The following UGGT1 variants were observed in gnomAD, a reference collection of about 807,000 sequenced individuals.
The protein encoded by UGGT1 is UDP-glucose glycoprotein glucosyltransferase 1, also known as UDP-glucose:glycoprotein glucosyltransferase 1.
Under a neutral mutation model 203.9 loss-of-function variants are expected in UGGT1, and 107 were observed. That is an observed-to-expected ratio of 0.52 (90% CI 0.45 to 0.62). The LOEUF is 0.62. UGGT1 is among the 20% of genes least tolerant of loss of function. The pLI is 0.00. For missense variants in UGGT1, 1,673 were observed against 1,867.2 expected (o/e 0.90, Z 1.92); for synonymous variants, 628 against 653.5 (o/e 0.96, Z 0.59).
At chr2:128,094,241 ACT>A (rs1687002245) in intron 1 of UGGT1, among the ~76,000 whole-genome samples, 1 of 151,902 alleles carries the variant, frequency 6.6e-6, no homozygotes, top group South Asian at 2.1e-4. Flanking sequence ...AAACTCATTG[ACT>A]CAGGCCAGAT....
At chr2:128,095,029 G>C (rs1194240572) in intron 1 of UGGT1, among the ~76,000 whole-genome samples, 1 of 152,020 alleles carries the variant, frequency 6.6e-6, no homozygotes, top group Non-Finnish European at 1.5e-5. Flanking sequence ...GATTACAGGC[G>C]TGAGCCACTG....
Position 128,187,434 on chromosome 2 carries a change from C to G in UGGT1, c.4477-15C>G. On this transcript the variant is annotated splice_polypyrimidine_tract_variant and intron_variant, in intron 39 of 40. Coordinates refer to ENST00000259253, the MANE Select transcript of UGGT1 (RefSeq NM_020120.4). ...TTCTTCAACTCAGCTGAAGTGTGTTCTTTTGGTTTCACAGTGTAATAATCC... is the reference window on the plus strand; with the variant it reads ...TTCTTCAACTCAGCTGAAGTGTGTTGTTTTGGTTTCACAGTGTAATAATCC... The G allele has an allele frequency of 6.2e-7, 1 of 1,609,828 alleles. No homozygotes were observed. The highest frequency in any genetic ancestry group is 8.5e-7 in the Non-Finnish European group (1 of 1,176,982).
At chr2:128,096,740 A>G (rs1272921081) in intron 1 of UGGT1, among the ~76,000 whole-genome samples, 2 of 152,186 alleles carry the variant, frequency 1.3e-5, no homozygotes, top group African/African-American at 4.8e-5. Flanking sequence ...ACACAGTTCA[A>G]CCCTTAATAC....
Position 128,187,548 on chromosome 2 carries a change from C to T in UGGT1, c.4576C>T (p.Arg1526Cys), listed in dbSNP as rs759864507. Residue 1526 changes from arginine (R) to cysteine (C), a missense_variant, in exon 40 of 41, where the codon CGC becomes TGC. Around this residue, in one of 4 missense-constraint regions of UGGT1, gnomAD observed 513 missense variants for 684.1 expected, o/e 0.75. Transcript: ENST00000259253. ...YDQEIKQLQI[R>C]FQKEKETGAL... ...CCAAGAGATCAAACAGCTACAGATC[C>T]GCTTTCAGAAGGAGAAAGAAACGGG... 9.9e-6 allele frequency: 16 copies of T among 1,614,054 alleles called. No homozygotes were observed. The highest frequency in any genetic ancestry group is 8.9e-5 in the East Asian group (4 of 44,884).
At chr2:128,116,214 G>T in intron 7 of UGGT1, 51 bp from the exon 8 acceptor site, 2 of 1,265,724 alleles carry the variant, frequency 1.6e-6, no homozygotes, top group Middle Eastern at 1.9e-4. Flanking sequence ...TAACGTTTTT[G>T]TTTCAAATCT....
rs77771368 is a variant in UGGT1 at position 128,128,104 on chromosome 2, T to C, written c.1226+652T>C. ...ACAAAAAACAAAAAAAAACTGTCTC[T>C]TGTGTCTCAGAAGGTGTTCTGTCTA... is the stretch of plus-strand genomic sequence containing the variant. On this transcript the variant is annotated intron_variant, in intron 12 of 40. Coordinates refer to ENST00000259253, the MANE Select transcript of UGGT1 (RefSeq NM_020120.4). Among the ~76,000 whole-genome samples the C allele has an allele frequency of 9.5e-3, 1,446 of 152,120 alleles. 23 individuals are homozygous for C. Among genetic ancestry groups the C allele is most frequent in the African/African-American group, 0.032 (1,321 of 41,510 alleles).
chr2:128,091,483 G>A (rs1263449273), intron 1 of UGGT1, 68 bp downstream of exon 1: 10 of 1,529,078 alleles, frequency 6.5e-6, no homozygotes, highest in Non-Finnish European at 8.8e-6. Context: ...GCGACCCTGT[G>A]CCCCTGTCAC....
chr2:128,130,638 T>C (rs1342723613), intron 13 of UGGT1, among the ~76,000 whole-genome samples: 2 of 152,216 alleles, frequency 1.3e-5, no homozygotes, highest in East Asian at 3.8e-4. Flanking sequence ...ATTTAACTGT[T>C]TTCTTGGGGG....
At chr2:128,152,368 A>G (rs1690015730) in intron 18 of UGGT1, among the ~76,000 whole-genome samples, 2 of 152,208 alleles carry the variant, frequency 1.3e-5, no homozygotes, top group South Asian at 4.1e-4. Context: ...CATGTTGGCC[A>G]GGCTGGTCTT....
chr2:128,093,365 G>A (rs1686960925), intron 1 of UGGT1, among the ~76,000 whole-genome samples: 1 of 152,260 alleles, frequency 6.6e-6, no homozygotes, highest in South Asian at 2.1e-4. Flanking sequence ...TGAGGCCTGT[G>A]TTTATTTCAT....
intron 10 of UGGT1, 53 bp from the exon 11 acceptor site, chr2:128,123,133 A>G (rs766376494): frequency 2.0e-5 from 28 of 1,373,908 alleles, no homozygotes; most frequent in Non-Finnish European, 2.1e-5. Flanking sequence ...TGGAAATTGA[A>G]GACTTTATAT....
chr2:128,120,488 CT>C, intron 9 of UGGT1, 32 bp downstream of exon 9: 1 of 1,574,906 alleles, frequency 6.3e-7, no homozygotes, highest in South Asian at 1.1e-5. Flanking sequence ...CATTGGCCTA[CT>C]TTTTGGCTAA....
chr2:128,113,156 C>T lies in UGGT1; in HGVS notation c.594C>T (p.Phe198=). ...SSNPESPVVI[F]YSEIGSEEFS... ...ATCCTGAAAGCCCTGTGGTGATTTT[C>T]TACTCTGAGATTGGCTCTGAGGAAT... Residue 198 remains phenylalanine (F), a synonymous_variant, in exon 6 of 41, where the codon TTC becomes TTT. Coordinates refer to ENST00000259253, the MANE Select transcript of UGGT1 (RefSeq NM_020120.4). The T allele has an allele frequency of 1.9e-6, 3 of 1,612,910 alleles. No individual in the cohort carries two copies. Among genetic ancestry groups the T allele is most frequent in the Non-Finnish European group, 2.5e-6 (3 of 1,179,408 alleles).
chr2:128,103,144 A>G (rs1318342458), intron 2 of UGGT1: 2 of 470,448 alleles, frequency 4.3e-6, no homozygotes, highest in Non-Finnish European at 8.8e-6. Flanking sequence ...TCCTTTGGCT[A>G]GGTAAGCTGA....
chr2:128,153,049 C>T (rs993459235), intron 19 of UGGT1, 145 bp downstream of exon 19: 3 of 1,133,602 alleles, frequency 2.6e-6, no homozygotes, highest in East Asian at 2.6e-5. Flanking sequence ...TGTGTAAACT[C>T]TTTGCACCTT....
chr2:128,114,947 T>G (rs1332731187), intron 6 of UGGT1, among the ~76,000 whole-genome samples, 177 bp from the exon 7 acceptor site: 2 of 152,248 alleles, frequency 1.3e-5, no homozygotes, highest in African/African-American at 2.4e-5. Flanking sequence ...TAAAAAAATT[T>G]GTTTAGTGAA....
chr2:128,117,241 C>T (rs952640852), intron 8 of UGGT1, among the ~76,000 whole-genome samples: 1 of 152,114 alleles, frequency 6.6e-6, no homozygotes, highest in East Asian at 1.9e-4. Flanking sequence ...AGGCACCCAT[C>T]ACCATGCCTG....
intron 14 of UGGT1, 143 bp downstream of exon 14, chr2:128,133,403 C>A: frequency 8.6e-7 from 1 of 1,168,576 alleles, no homozygotes; most frequent in Non-Finnish European, 1.2e-6. Context: ...CCTGTTCACA[C>A]TGGAAAGGCT....
chr2:128,171,454 A>T (rs17178432), intron 28 of UGGT1, 170 bp downstream of exon 28: 98,557 of 634,410 alleles, frequency 0.16, 9,175 homozygotes, highest in Non-Finnish European at 0.19. Context: ...TTCTAAGAAC[A>T]TAGTGTGTTT....
Sources: gnomAD v4.1 joint callset for allele counts (sites outside exome capture counted in the v4.1 genomes callset) on GRCh38, gnomAD v4.1.1 for gene constraint, gnomAD v4.1.1 regional missense constraint, MANE v1.5 for transcripts, NCBI Gene and HGNC (gene_info 2026-07-23, HGNC 2026-07-21) for gene names.